GPR50: variants seen among roughly 807,000 people sequenced by gnomAD.
GPR50 encodes the protein melatonin-related receptor.
A neutral mutation model predicts 2.6 loss-of-function variants in GPR50; 1 was observed. The observed-to-expected ratio is 0.38, with a 90% CI of 0.13 to 1.79. GPR50 has a LOEUF of 1.79. Among genes scored for constraint, GPR50 ranks in the 40% most tolerant of loss-of-function variants. GPR50 has a pLI of 0.33. For missense variants in GPR50, 535 were observed against 522.1 expected, an observed-to-expected ratio of 1.02 and a Z score of -0.24; for synonymous variants, 233 against 202.3, an observed-to-expected ratio of 1.15 and a Z score of -1.29.
Position 151,180,327 on chromosome X carries a change from G to T in GPR50, c.744G>T (p.Val248=). The change falls in exon 2 of 2, where the codon GTG becomes GTT. Residue 248 remains valine (V), a synonymous_variant. Transcript: ENST00000218316. Reference sequence around the variant, plus strand: ...TTGTGATCTTCCTCCTCTTTGCAGTGTGCTGGTGCCCTATCAACGTGCTCA... The same window carrying T: ...TTGTGATCTTCCTCCTCTTTGCAGTTTGCTGGTGCCCTATCAACGTGCTCA... ...TMFVIFLLFA[V]CWCPINVLTV... is the part of the protein sequence containing the mutation. 1.7e-6 allele frequency: 2 copies of T among 1,210,058 alleles called. No homozygotes were observed. Among genetic ancestry groups the T allele is most frequent in the African/African-American group, 3.5e-5 (2 of 57,489 alleles).
In GPR50 at chrX:151,181,008, G is replaced by A. The variant is rs2048710739; in HGVS notation, c.1425G>A (p.Lys475=). Reference sequence around the variant, plus strand: ...TCAAGCCTGCTTCCAGCAACCCCAAGCCCATCACTGGCCACCATGTCTCTG... The same window carrying A: ...TCAAGCCTGCTTCCAGCAACCCCAAACCCATCACTGGCCACCATGTCTCTG... ...VHFKPASSNP[K]PITGHHVSAG... The change falls in exon 2 of 2, where the codon AAG becomes AAA. Residue 475 remains lysine (K), a synonymous_variant. Coordinates refer to ENST00000218316, the MANE Select transcript of GPR50 (RefSeq NM_004224.3). 1 of 1,208,815 alleles carries A rather than the reference G, an allele frequency of 8.3e-7. No homozygotes were observed. Among genetic ancestry groups the A allele is most frequent in the South Asian group, 1.8e-5 (1 of 56,741 alleles).
chrX:151,180,013 A>G lies in GPR50; in HGVS notation c.430A>G (p.Asn144Asp), dbSNP rs746663885. ...LQYERIFSVR[N>D]TCIYLVITWI... ...GTACGAACGGATCTTCAGTGTGCGC[A>G]ATACCTGCATCTACCTGGTCATCAC... The change falls in exon 2 of 2, where the codon AAT becomes GAT. Residue 144 changes from asparagine to aspartate, a missense_variant. Physicochemically the swap from Asn to Asp is conservative, Grantham distance 23. Coordinates refer to ENST00000218316, the MANE Select transcript of GPR50 (RefSeq NM_004224.3). 2.4e-5 allele frequency: 29 copies of G among 1,209,199 alleles called. No individual in the cohort carries two copies. The highest frequency in any genetic ancestry group is 3.5e-5 in the African/African-American group (2 of 57,003).
In GPR50 at chrX:151,180,550, A is replaced by G; in HGVS notation, c.967A>G (p.Ile323Val). The change falls in exon 2 of 2, where the codon ATC becomes GTC. Residue 323 changes from isoleucine to valine, a missense_variant. Coordinates refer to ENST00000218316, the MANE Select transcript of GPR50 (RefSeq NM_004224.3). ...RHPIIFFSGL[I>V]SDIREMQEAR... is the part of the protein sequence containing the mutation. ...CCCTATCATATTCTTCTCTGGCCTC[A>G]TCAGTGATATTCGTGAGATGCAGGA... 1.7e-6 allele frequency: 2 copies of G among 1,210,963 alleles called. No individual in the cohort carries two copies. The highest frequency in any genetic ancestry group is 1.1e-6 in the Non-Finnish European group (1 of 895,227).
Position 151,181,299 on chromosome X carries a change from C to G in GPR50, c.1716C>G (p.Thr572=). The G allele has an allele frequency of 8.3e-7, 1 of 1,211,149 alleles. No individual in the cohort carries two copies. Among genetic ancestry groups the G allele is most frequent in the Non-Finnish European group, 1.1e-6 (1 of 894,969 alleles). Residue 572 remains threonine, a synonymous_variant, in exon 2 of 2, where the codon ACC becomes ACG. Transcript: ENST00000218316. ...CCTCTAGCCCTGCCGCTGGGCCCAC[C>G]AAGCCTGCTGCCAGCCAGCTGGAGT... is the stretch of plus-strand genomic sequence containing the variant. The part of the protein sequence containing the change: ...ESASSPAAGP[T]KPAASQLESD...
chrX:151,177,159 C>T (rs1037791372), intron 1 of GPR50, among the ~76,000 whole-genome samples: 1 of 112,559 alleles, frequency 8.9e-6, no homozygotes, highest in Admixed American at 9.2e-5. Context: ...CCGTGGTGCG[C>T]GGCAGCCCGA....
chrX:151,180,851 G>C lies in GPR50; in HGVS notation c.1268G>C (p.Gly423Ala). The change falls in exon 2 of 2, where the codon GGC becomes GCC. Residue 423 changes from glycine (G) to alanine (A), a missense_variant. Coordinates refer to ENST00000218316, the MANE Select transcript of GPR50 (RefSeq NM_004224.3). ...TCTGGTCACCTCAAGCCTGTCTCTG[G>C]CCACTCCAAGCCTGCCTCTGGTCAC... The part of the protein sequence containing the change: ...AASGHLKPVS[G>A]HSKPASGHPK... 1 of 1,209,989 alleles carries C rather than the reference G, an allele frequency of 8.3e-7. No homozygotes were observed. Among genetic ancestry groups the C allele is most frequent in the African/African-American group, 1.7e-5 (1 of 57,412 alleles).
In GPR50 at chrX:151,176,872, T is replaced by G; in HGVS notation, c.151T>G (p.Leu51Val). Residue 51 changes from leucine (L) to valine (V), a missense_variant, in exon 1 of 2, where the codon TTG becomes GTG. Physicochemically the swap from Leu to Val is conservative, Grantham distance 32. Transcript: ENST00000218316. Reference sequence around the variant, plus strand: ...CCTAATCGGCAACTCCATGGTCATTTTGGCTGTGACGAAGAACAAGAAGCT... The same window carrying G: ...CCTAATCGGCAACTCCATGGTCATTGTGGCTGTGACGAAGAACAAGAAGCT... ...VDLIGNSMVILAVTKNKKLRN... is the reference protein window; with the variant it reads ...VDLIGNSMVIVAVTKNKKLRN... 8.3e-7 allele frequency: 1 copy of G among 1,208,001 alleles called. No individual in the cohort carries two copies. The highest frequency in any genetic ancestry group is 1.1e-6 in the Non-Finnish European group (1 of 892,832).
In GPR50 at chrX:151,179,810, T is replaced by C; in HGVS notation, c.227T>C (p.Leu76Pro). 2 of 1,194,668 alleles carry C rather than the reference T, an allele frequency of 1.7e-6. No homozygotes were observed. The highest frequency in any genetic ancestry group is 6.0e-5 in the East Asian group (2 of 33,578). Reference sequence around the variant, plus strand: ...GTCAGTCTCTCTGTGGCCGATATGCTGGTGGCCATCTACCCATACCCTTTG... The same window carrying C: ...GTCAGTCTCTCTGTGGCCGATATGCCGGTGGCCATCTACCCATACCCTTTG... ...FVVSLSVADM[L>P]VAIYPYPLML... The change falls in exon 2 of 2, where the codon CTG becomes CCG. Residue 76 changes from leucine to proline, a missense_variant. By Grantham distance (98) the Leu-to-Pro change is moderately conservative (BLOSUM62 -3). Transcript: ENST00000218316.
intron 1 of GPR50, among the ~76,000 whole-genome samples, chrX:151,178,659 G>A (rs2048694440): frequency 8.9e-6 from 1 of 112,044 alleles, no homozygotes; most frequent in Non-Finnish European, 1.9e-5. Flanking sequence ...GAGGAAGGAG[G>A]AAGAAGGAGC....
Position 151,180,193 on chromosome X carries a change from G to T in GPR50, c.610G>T (p.Val204Leu). Reference protein sequence around the residue: ...CIHFVLPLLIVGFCYVRIWTK... With the variant: ...CIHFVLPLLILGFCYVRIWTK... Reference sequence around the variant, plus strand: ...CCACTTCGTCCTCCCTCTCCTCATCGTGGGTTTCTGCTACGTGAGGATCTG... The same window carrying T: ...CCACTTCGTCCTCCCTCTCCTCATCTTGGGTTTCTGCTACGTGAGGATCTG... Residue 204 changes from valine to leucine, a missense_variant, in exon 2 of 2, where the codon GTG becomes TTG. Physicochemically the swap from Val to Leu is conservative, Grantham distance 32. Coordinates refer to ENST00000218316, the MANE Select transcript of GPR50 (RefSeq NM_004224.3). 8.3e-7 allele frequency: 1 copy of T among 1,205,433 alleles called. No homozygotes were observed. The highest frequency in any genetic ancestry group is 3.0e-5 in the East Asian group (1 of 33,825).
chrX:151,179,621 T>C, intron 1 of GPR50, 150 bp from the exon 2 acceptor site: 1 of 455,749 alleles, frequency 2.2e-6, no homozygotes, highest in East Asian at 3.4e-5. Context: ...CGCTTCTTTC[T>C]CAGAGCATTT....
At position 151,181,024 on chromosome X, in the gene GPR50, C is replaced by T. The variant is rs370262045; in HGVS notation, c.1441C>T (p.His481Tyr). The stretch of plus-strand genomic sequence containing the variant: ...CAACCCCAAGCCCATCACTGGCCAC[C>T]ATGTCTCTGCTGGCAGCCACTCCAA... ...SSNPKPITGH[H>Y]VSAGSHSKSA... The change falls in exon 2 of 2, where the codon CAT becomes TAT. Residue 481 changes from histidine to tyrosine, a missense_variant. Transcript: ENST00000218316. 5 of 1,211,548 alleles carry T rather than the reference C, an allele frequency of 4.1e-6. No individual in the cohort carries two copies. The Admixed American group carries it at 8.7e-5, about 21-fold the overall frequency.
intron 1 of GPR50, among the ~76,000 whole-genome samples, chrX:151,179,364 A>AT (rs949245762): frequency 4.5e-5 from 5 of 109,966 alleles, no homozygotes; most frequent in African/African-American, 1.3e-4. Context: ...ATTATTTTTA[A>AT]TTTTTTTAGT....
At chrX:151,177,197 C>T (rs1227831085) in intron 1 of GPR50, among the ~76,000 whole-genome samples, 1 of 112,599 alleles carries the variant, frequency 8.9e-6, no homozygotes, top group Non-Finnish European at 1.9e-5. Context: ...GGGCCTGATG[C>T]GGAGGGAGCC....
chrX:151,181,193 C>G lies in GPR50; in HGVS notation c.1610C>G (p.Pro537Arg). 8.3e-7 allele frequency: 1 copy of G among 1,211,213 alleles called. No homozygotes were observed. Among genetic ancestry groups the G allele is most frequent in the Non-Finnish European group, 1.1e-6 (1 of 895,050 alleles). ...CCTAAGCCCACTGCTGCTGACAACC[C>G]TGAGCTCTCTGCCTCCCATTGCCCC... ...SHPKPTAADNPELSASHCPEI... is the reference protein window; with the variant it reads ...SHPKPTAADNRELSASHCPEI... Residue 537 changes from proline (P) to arginine (R), a missense_variant, in exon 2 of 2, where the codon CCT (proline) becomes CGT (arginine). Coordinates refer to ENST00000218316, the MANE Select transcript of GPR50 (RefSeq NM_004224.3).
At chrX:151,177,008 C>T in intron 1 of GPR50, 100 bp downstream of exon 1, 1 of 567,268 alleles carries the variant, frequency 1.8e-6, no homozygotes, top group South Asian at 3.0e-5. Context: ...TGGACAGTGC[C>T]CTCATATTGA....
chrX:151,181,708 C>T (rs1569566973), downstream of GPR50, among the ~76,000 whole-genome samples: 3 of 112,004 alleles, frequency 2.7e-5, no homozygotes, highest in Non-Finnish European at 5.6e-5. Flanking sequence ...CAACTATGGT[C>T]GACCTTCAGT....
Position 151,181,336 on chromosome X carries a change from G to A in GPR50, c.1753G>A (p.Ala585Thr), listed in dbSNP as rs760818840. 8 of 1,205,193 alleles carry A rather than the reference G, an allele frequency of 6.6e-6. No individual in the cohort carries two copies. In the Admixed American group the frequency reaches 8.7e-5, roughly 13 times the overall value. Residue 585 changes from alanine to threonine, a missense_variant, in exon 2 of 2, where the codon GCT (alanine) becomes ACT (threonine). By Grantham distance (58) the Ala-to-Thr change is moderately conservative (BLOSUM62 0). Coordinates refer to ENST00000218316, the MANE Select transcript of GPR50 (RefSeq NM_004224.3). ...CAGCCAGCTGGAGTCTGACACCATC[G>A]CTGACCTTCCTGACCCTACTGTAGT... The part of the protein sequence containing the change: ...AASQLESDTI[A>T]DLPDPTVVTT...
rs764266376 is a variant in GPR50, at chrX:151,181,084, C to T, written c.1501C>T (p.Pro501Ser). Residue 501 changes from proline to serine, a missense_variant, in exon 2 of 2, where the codon CCC (proline) becomes TCC (serine). Pro to Ser is a moderately conservative substitution (Grantham distance 74, BLOSUM62 -1). Transcript: ENST00000218316. ...CAGTGCTGCCACCAGCCACCCTAAACCCACCACTGGCCACATCAAGCCAGC... is the reference window on the plus strand; with the variant it reads ...CAGTGCTGCCACCAGCCACCCTAAATCCACCACTGGCCACATCAAGCCAGC... ...AFSAATSHPKPTTGHIKPATS... is the reference protein window; with the variant it reads ...AFSAATSHPKSTTGHIKPATS... 3 of 1,163,243 alleles carry T rather than the reference C, an allele frequency of 2.6e-6. No homozygotes were observed. The African/African-American group carries it at 6.4e-5, about 25-fold the overall frequency.
Sources: allele counts gnomAD v4.1 joint callset (sites outside exome capture counted in the v4.1 genomes callset), GRCh38; gene constraint gnomAD v4.1.1; transcripts MANE v1.5; gene names NCBI Gene and HGNC (gene_info 2026-07-23, HGNC 2026-07-21).